The following KHDRBS2 variants were observed in gnomAD, a reference collection of about 807,000 sequenced individuals.
KHDRBS2 encodes KH domain-containing, RNA-binding, signal transduction-associated protein 2.
In KHDRBS2, 26 loss-of-function variants were observed where a neutral mutation model predicts 44.3. The ratio of observed to expected loss-of-function variants is 0.59; its 90% CI spans 0.43 to 0.81. The LOEUF is 0.81. Among genes scored for constraint, KHDRBS2 ranks in the 40% least tolerant of loss-of-function variants. The probability of loss-of-function intolerance (pLI) is 0.00; values close to 1 mark genes in which losing one functional copy is unlikely to be tolerated. For missense variants in KHDRBS2, 476 were observed against 433.1 expected (o/e 1.10, Z -0.88); for synonymous variants, 194 against 151.1 (o/e 1.28, Z -2.08).
chr6:61,589,657 G>T, the KHDRBS2 span, among the ~76,000 whole-genome samples: 12 of 152,120 alleles, frequency 7.9e-5, no homozygotes, highest in African/African-American at 2.9e-4. Flanking sequence ...AACAAGTTAA[G>T]GGTGCAAGGA....
chr6:61,802,943 C>A (rs1786522377), intron 6 of KHDRBS2, among the ~76,000 whole-genome samples: 1 of 152,028 alleles, frequency 6.6e-6, no homozygotes, highest in Non-Finnish European at 1.5e-5. Context: ...CTCTCCACAT[C>A]CTAATAAAGA....
the KHDRBS2 span, among the ~76,000 whole-genome samples, chr6:61,582,531 T>C: frequency 6.6e-6 from 1 of 151,682 alleles, no homozygotes; most frequent in Non-Finnish European, 1.5e-5. Context: ...AATAGATAAA[T>C]TTCTTCAAAG....
chr6:61,955,386 ACGTATGTG>A (rs1766615984), intron 4 of KHDRBS2, among the ~76,000 whole-genome samples: 1 of 101,568 alleles, frequency 9.8e-6, no homozygotes, highest in African/African-American at 4.1e-5. Context: ...ATATACACAT[ACGTATGTG>A]TATGTATACA....
chr6:61,848,584 T>C (rs1463445798), intron 6 of KHDRBS2, among the ~76,000 whole-genome samples: 3 of 118,106 alleles, frequency 2.5e-5, no homozygotes, highest in Non-Finnish European at 5.2e-5. Flanking sequence ...TACATATATA[T>C]ATATATATAC....
chr6:62,221,151 T>C (rs1358147852), intron 1 of KHDRBS2, among the ~76,000 whole-genome samples: 1 of 151,896 alleles, frequency 6.6e-6, no homozygotes, highest in African/African-American at 2.4e-5. Flanking sequence ...ATTTTGCCAT[T>C]TGCCACAACA....
intron 2 of KHDRBS2, among the ~76,000 whole-genome samples, chr6:62,066,294 C>A (rs1360979622): frequency 6.6e-6 from 1 of 151,680 alleles, no homozygotes; most frequent in African/African-American, 2.4e-5. Context: ...AGGTACCTGA[C>A]TGAATGTACA....
At chr6:61,700,504 C>G (rs1480729103) in intron 7 of KHDRBS2, among the ~76,000 whole-genome samples, 1 of 150,570 alleles carries the variant, frequency 6.6e-6, no homozygotes, top group African/African-American at 2.5e-5. Context: ...CAGTCTATAC[C>G]TTAGATTATT....
At chr6:62,191,371 G>A (rs993433301) in intron 1 of KHDRBS2, among the ~76,000 whole-genome samples, 2 of 151,948 alleles carry the variant, frequency 1.3e-5, no homozygotes, top group African/African-American at 4.8e-5. Flanking sequence ...TCCTTCCTCT[G>A]ACCAGTGGAG....
the KHDRBS2 span, among the ~76,000 whole-genome samples, chr6:61,550,751 T>G: frequency 6.7e-6 from 1 of 148,364 alleles, no homozygotes; most frequent in Non-Finnish European, 1.5e-5. Context: ...CCTTTCTGAC[T>G]GGTTGAGATG....
chr6:62,085,488 G>T (rs1237404422), intron 2 of KHDRBS2, among the ~76,000 whole-genome samples: 1 of 151,996 alleles, frequency 6.6e-6, no homozygotes, highest in African/African-American at 2.4e-5. Flanking sequence ...AAAGGAAAAG[G>T]CAACAGGAAA....
chr6:61,687,582 C>CG (rs1032339907), intron 8 of KHDRBS2, among the ~76,000 whole-genome samples: 8 of 151,918 alleles, frequency 5.3e-5, no homozygotes, highest in Admixed American at 3.9e-4. Context: ...ACTATCCTGC[C>CG]TTTTTCTTGT....
intron 2 of KHDRBS2, among the ~76,000 whole-genome samples, chr6:62,131,891 C>T (rs1810413965): frequency 6.6e-6 from 1 of 152,070 alleles, no homozygotes; most frequent in Non-Finnish European, 1.5e-5. Flanking sequence ...GGGATGTGTT[C>T]TGAATGAGTA....
intron 1 of KHDRBS2, among the ~76,000 whole-genome samples, chr6:62,189,298 A>G (rs1411054280): frequency 3.3e-5 from 5 of 152,040 alleles, no homozygotes; most frequent in Admixed American, 6.6e-5. Flanking sequence ...TCCTCTCTCA[A>G]CAGTAAGGCT....
intron 1 of KHDRBS2, among the ~76,000 whole-genome samples, chr6:62,261,777 TAACTATAAA>T (rs2150182126): frequency 6.6e-6 from 1 of 151,884 alleles, no homozygotes; most frequent in African/African-American, 2.4e-5. Flanking sequence ...CAGTAAAGAT[TAACTATAAA>T]GCTCATGATC....
Position 61,782,069 on chromosome 6 carries a change from C to T in KHDRBS2, c.811-49305G>A, listed in dbSNP as rs1783016746. ...GTGGGTTTAGAGATGAAGATCCAGT[C>T]TCTGTCATATATTAGCAAATCAGTA... On this transcript the variant is annotated intron_variant, in intron 6 of 8. Coordinates refer to ENST00000281156, the MANE Select transcript of KHDRBS2 (RefSeq NM_152688.4). Among the ~76,000 whole-genome samples the T allele has an allele frequency of 2.6e-5, 4 of 152,050 alleles. No individual in the cohort carries two copies. In the South Asian group the frequency reaches 8.3e-4, roughly 32 times the overall value.
At chr6:61,575,470 G>A in the KHDRBS2 span, among the ~76,000 whole-genome samples, 89,891 of 152,026 alleles carry the variant, frequency 0.59, 26,782 homozygotes, top group Non-Finnish European at 0.61. Flanking sequence ...ATGTTGGCAC[G>A]TAAATGGTAA....
chr6:62,116,003 T>A (rs1806127230), intron 2 of KHDRBS2, among the ~76,000 whole-genome samples: 1 of 152,078 alleles, frequency 6.6e-6, no homozygotes, highest in South Asian at 2.1e-4. Flanking sequence ...GATGGGCTAC[T>A]GTTAAATCAG....
At chr6:62,150,282 A>G (rs151006007) in intron 2 of KHDRBS2, among the ~76,000 whole-genome samples, 86 of 147,208 alleles carry the variant, frequency 5.8e-4, no homozygotes, top group African/African-American at 1.8e-3. Context: ...TGATGCAGGG[A>G]TCATGCTTAA....
intron 1 of KHDRBS2, among the ~76,000 whole-genome samples, chr6:62,284,585 G>A (rs989788430): frequency 2.0e-5 from 3 of 151,632 alleles, no homozygotes; most frequent in African/African-American, 7.3e-5. Flanking sequence ...GAAAGTAGTA[G>A]GCATAATTGT....
Sources: allele counts gnomAD v4.1 joint callset (sites outside exome capture counted in the v4.1 genomes callset), GRCh38; gene constraint gnomAD v4.1.1; transcripts MANE v1.5; gene names NCBI Gene and HGNC (gene_info 2026-07-23, HGNC 2026-07-21).